The following GDPD4 variants were observed in gnomAD, a reference collection of about 807,000 sequenced individuals.
GDPD4 encodes glycerophosphodiester phosphodiesterase domain containing 4.
A neutral mutation model predicts 67.8 loss-of-function variants in GDPD4; 60 were observed. The observed-to-expected ratio is 0.88, with a 90% CI of 0.72 to 1.10. The LOEUF (loss-of-function observed/expected upper bound fraction) is 1.10, where lower values mean the gene tolerates loss of function less well. Among genes scored for constraint, GDPD4 ranks in the 50% least tolerant of loss-of-function variants. The pLI is 0.00. For synonymous variants in GDPD4, 212 were observed against 210.9 expected, an observed-to-expected ratio of 1.00 and a Z score of -0.04; for missense variants, 623 against 613.9, an observed-to-expected ratio of 1.01 and a Z score of -0.16.
At chr11:77,220,651 T>C (rs1297245355) in intron 16 of GDPD4, among the ~76,000 whole-genome samples, 1 of 104,018 alleles carries the variant, frequency 9.6e-6, no homozygotes, top group African/African-American at 3.6e-5. Flanking sequence ...ATCAGGGATA[T>C]TGGTCTAAAA....
intron 5 of GDPD4, among the ~76,000 whole-genome samples, chr11:77,272,367 C>A (rs1397549347): frequency 6.6e-6 from 1 of 152,100 alleles, no homozygotes; most frequent in African/African-American, 2.4e-5. Flanking sequence ...AAACTAAATG[C>A]ATCACAACAC....
intron 1 of GDPD4, among the ~76,000 whole-genome samples, chr11:77,291,506 TAGA>T (rs1937775907): frequency 6.6e-6 from 1 of 152,174 alleles, no homozygotes; most frequent in Admixed American, 6.5e-5. Flanking sequence ...TTAAAATAGC[TAGA>T]AGATTTGAAA....
rs1225048485 is a variant in GDPD4, at chr11:77,216,957, T to TGGAGGGC, written c.*313_*319dup. On this transcript the variant is annotated 3_prime_UTR_variant, in exon 17 of 17. Transcript: ENST00000315938. Reference sequence around the variant, plus strand: ...CTTATTTAAGGATAGGGGACCTCTATGGAGGGCATGGTTGGCTTATCCACC... The same window carrying TGGAGGGC: ...CTTATTTAAGGATAGGGGACCTCTATGGAGGGCGGAGGGCATGGTTGGCTTATCCACC... 22 of 702,758 alleles carry TGGAGGGC rather than the reference T, an allele frequency of 3.1e-5. No homozygotes were observed. Among genetic ancestry groups the TGGAGGGC allele is most frequent in the Non-Finnish European group, 5.2e-5 (20 of 384,992 alleles). 43.5% of individuals were successfully genotyped at this position (702,758 alleles called of 1,614,324 possible).
chr11:77,269,444 T>C (rs1328272696), intron 8 of GDPD4, among the ~76,000 whole-genome samples: 2 of 152,024 alleles, frequency 1.3e-5, no homozygotes, highest in Non-Finnish European at 2.9e-5. Flanking sequence ...GTAAAGATCA[T>C]CCTAAAACAT....
At position 77,216,656 on chromosome 11, in the gene GDPD4, C is replaced by T; in HGVS notation, c.*621G>A. 2.1e-6 allele frequency: 1 copy of T among 484,716 alleles called. No individual in the cohort carries two copies. The highest frequency in any genetic ancestry group is 3.7e-5 in the East Asian group (1 of 27,076). 30.0% of individuals were successfully genotyped at this position (484,716 alleles called of 1,614,324 possible). On this transcript the variant is annotated 3_prime_UTR_variant, in exon 17 of 17. Coordinates refer to ENST00000315938, the MANE Select transcript of GDPD4 (RefSeq NM_182833.3). ...AGATAAACCTGACAGCAACCAGTTC[C>T]AAGACCACACACAGCAGTTTTCCCC...
chr11:77,241,565 G>A (rs1958664689), intron 13 of GDPD4, among the ~76,000 whole-genome samples: 1 of 144,150 alleles, frequency 6.9e-6, no homozygotes, highest in Admixed American at 7.5e-5. Context: ...TTGAGCCCAG[G>A]AAGTAGAGGC....
chr11:77,271,318 G>A lies in GDPD4; in HGVS notation c.283C>T (p.Leu95=). 6.2e-7 allele frequency: 1 copy of A among 1,613,526 alleles called. No individual in the cohort carries two copies. Among genetic ancestry groups the A allele is most frequent in the Non-Finnish European group, 8.5e-7 (1 of 1,179,438 alleles). Reference sequence around the variant, plus strand: ...ACCTGCATTGACAGCCCAGCTACCAGCCACCTTTCTTTCCAGAATTTGCAT... The same window carrying A: ...ACCTGCATTGACAGCCCAGCTACCAACCACCTTTCTTTCCAGAATTTGCAT... ...IICKFWKERW[L]VAGLSMQIFA... is the part of the protein sequence containing the mutation. The change falls in exon 6 of 17, where the codon CTG becomes TTG. Residue 95 remains leucine (L), a synonymous_variant. Transcript: ENST00000315938.
intron 5 of GDPD4, 33 bp downstream of exon 5, chr11:77,276,128 C>G: frequency 6.4e-7 from 1 of 1,557,374 alleles, no homozygotes; most frequent in Non-Finnish European, 8.9e-7. Flanking sequence ...CAGTCCTGGT[C>G]TAAGGTTTCC....
intron 5 of GDPD4, among the ~76,000 whole-genome samples, chr11:77,273,250 C>T: frequency 6.6e-6 from 1 of 152,098 alleles, no homozygotes. Context: ...GCTTTTCTTC[C>T]TAAATTTATT....
In GDPD4 at chr11:77,268,625, A is replaced by AT; in HGVS notation, c.625-87dup. On this transcript the variant is annotated intron_variant, in intron 9 of 16. Coordinates refer to ENST00000315938, the MANE Select transcript of GDPD4 (RefSeq NM_182833.3). The stretch of plus-strand genomic sequence containing the variant: ...TGTGGTAGGGGTAGAGCCCAGTAGG[A>AT]TTTTGGGGAGCAGAGCTTGGCTCCC... 3 of 1,086,624 alleles carry AT rather than the reference A, an allele frequency of 2.8e-6. No homozygotes were observed. The South Asian group carries it at 3.9e-5, about 14-fold the overall frequency. 67.3% of individuals were successfully genotyped at this position (1,086,624 alleles called of 1,614,324 possible).
intron 16 of GDPD4, among the ~76,000 whole-genome samples, chr11:77,226,038 T>G (rs1958329662): frequency 6.6e-6 from 1 of 152,200 alleles, no homozygotes; most frequent in Admixed American, 6.5e-5. Context: ...TAAGAGCTCT[T>G]AAAAACAGAA....
chr11:77,236,411 A>G (rs770960641), intron 13 of GDPD4, among the ~76,000 whole-genome samples: 3 of 152,044 alleles, frequency 2.0e-5, no homozygotes, highest in Non-Finnish European at 4.4e-5. Flanking sequence ...TGAACTAAAT[A>G]TTACTGGACC....
chr11:77,230,018 AAATT>A (rs1357397102), intron 14 of GDPD4, among the ~76,000 whole-genome samples: 2 of 152,190 alleles, frequency 1.3e-5, no homozygotes, highest in South Asian at 2.1e-4. Flanking sequence ...CTGAATAATA[AAATT>A]AATAACACTA....
At chr11:77,271,994 T>A (rs965091385) in intron 5 of GDPD4, among the ~76,000 whole-genome samples, 6 of 152,330 alleles carry the variant, frequency 3.9e-5, no homozygotes, top group Middle Eastern at 3.4e-3. Flanking sequence ...GAAAGAACAT[T>A]GAGACCAAGA....
chr11:77,268,914 TCAGACCTAC>T lies in GDPD4; in HGVS notation c.624+1_624+9del. The T allele has an allele frequency of 6.2e-7, 1 of 1,613,416 alleles. No homozygotes were observed. The highest frequency in any genetic ancestry group is 8.5e-7 in the Non-Finnish European group (1 of 1,179,588). Reference sequence around the variant, plus strand: ...TTATTTTCACCCATGTTCATCATGCTCAGACCTACCATGGGTGCACCTCTATGTCCAAAG... The same window carrying T: ...TTATTTTCACCCATGTTCATCATGCTCATGGGTGCACCTCTATGTCCAAAG... On this transcript the variant is annotated splice_donor_variant and splice_donor_5th_base_variant and intron_variant, in intron 9 of 16. Coordinates refer to ENST00000315938, the MANE Select transcript of GDPD4 (RefSeq NM_182833.3). LOFTEE classifies it high-confidence loss of function.
At chr11:77,269,294 C>T (rs761223951) in intron 8 of GDPD4, among the ~76,000 whole-genome samples, 2 of 152,014 alleles carry the variant, frequency 1.3e-5, no homozygotes, top group Non-Finnish European at 2.9e-5. Flanking sequence ...ATTAAGGCAA[C>T]TTTACTGGAA....
chr11:77,279,969 C>T (rs1959683017), intron 3 of GDPD4, among the ~76,000 whole-genome samples: 1 of 152,062 alleles, frequency 6.6e-6, no homozygotes, highest in Non-Finnish European at 1.5e-5. Flanking sequence ...CAGAAATTTC[C>T]TCCTCTCCGT....
intron 4 of GDPD4, among the ~76,000 whole-genome samples, chr11:77,277,828 A>G (rs559784679): frequency 6.6e-6 from 1 of 151,358 alleles, no homozygotes; most frequent in Admixed American, 6.6e-5. Context: ...TTGTGATGTT[A>G]GGATGTCAAT....
chr11:77,249,566 C>T (rs979819996), intron 11 of GDPD4, among the ~76,000 whole-genome samples: 8 of 152,250 alleles, frequency 5.3e-5, no homozygotes, highest in Middle Eastern at 3.4e-3. Flanking sequence ...ACAGGGCAAA[C>T]TGCTGCCCAG....
Sources: allele counts gnomAD v4.1 joint callset (sites outside exome capture counted in the v4.1 genomes callset), GRCh38; gene constraint gnomAD v4.1.1; transcripts MANE v1.5; gene names NCBI Gene and HGNC (gene_info 2026-07-23, HGNC 2026-07-21).